CNKSR3: variants seen among roughly 807,000 people sequenced by gnomAD.
CNKSR3 encodes the protein CNKSR family member 3.
In CNKSR3, 36 loss-of-function variants were observed where a neutral mutation model predicts 67.7. The observed-to-expected ratio is 0.53, with a 90% CI of 0.41 to 0.70. The LOEUF is 0.70. CNKSR3 is among the 30% of genes least tolerant of loss of function. CNKSR3 has a pLI of 0.00. For synonymous variants in CNKSR3, 281 were observed against 271.4 expected, an observed-to-expected ratio of 1.04 and a Z score of -0.35; for missense variants, 630 against 695.2, an observed-to-expected ratio of 0.91 and a Z score of 1.05.
chr6:154,475,065 A>G (rs567916175), intron 1 of CNKSR3, among the ~76,000 whole-genome samples: 3 of 152,330 alleles, frequency 2.0e-5, no homozygotes, highest in Admixed American at 2.0e-4. Context: ...AAAAGTCTGC[A>G]AGATCACTCC....
In CNKSR3 at chr6:154,435,248, G is replaced by C. The variant is rs150764264; in HGVS notation, c.508-1741C>G. ...AGACTCAAGCCATCCACCTGCCTCA[G>C]CCTCCCAAAATGCTAGGGTTACAGG... On this transcript the variant is annotated intron_variant, in intron 4 of 12. Coordinates refer to ENST00000607772, the MANE Select transcript of CNKSR3 (RefSeq NM_173515.4). 1.9e-3 allele frequency among the ~76,000 whole-genome samples: 285 copies of C among 152,112 alleles called. 1 individual carries two copies. The highest frequency in any genetic ancestry group is 3.3e-3 in the Non-Finnish European group (222 of 67,990).
intron 1 of CNKSR3, among the ~76,000 whole-genome samples, chr6:154,480,461 C>T (rs1786543149): frequency 6.6e-6 from 1 of 152,206 alleles, no homozygotes; most frequent in Non-Finnish European, 1.5e-5. Flanking sequence ...CTTCCGCAGG[C>T]AGGCAGGTAA....
At chr6:154,450,898 G>C (rs1310762829) in intron 1 of CNKSR3, among the ~76,000 whole-genome samples, 1 of 152,162 alleles carries the variant, frequency 6.6e-6, no homozygotes. Context: ...ATTTGAGAAA[G>C]AGAGAGAGAA....
chr6:154,459,220 T>C lies in CNKSR3; in HGVS notation c.53-8962A>G, dbSNP rs555711504. On this transcript the variant is annotated intron_variant, in intron 1 of 12. Coordinates refer to ENST00000607772, the MANE Select transcript of CNKSR3 (RefSeq NM_173515.4). ...AAAAAAACCATATAAAGACGATGCA[T>C]GTAAGTCGGGTTTTGACCCTGATCA... Among the ~76,000 whole-genome samples, 262 of 151,264 alleles carry C rather than the reference T, an allele frequency of 1.7e-3. 1 individual carries two copies. The highest frequency in any genetic ancestry group is 5.9e-3 in the African/African-American group (245 of 41,264).
chr6:154,484,695 CAAAAAAAAAA>C lies in CNKSR3; in HGVS notation c.52+25358_52+25367del, dbSNP rs1166789172. On this transcript the variant is annotated intron_variant, in intron 1 of 12. Coordinates refer to ENST00000607772, the MANE Select transcript of CNKSR3 (RefSeq NM_173515.4). ...CCAGCCTGGGCAACAGAGCAAGACT[CAAAAAAAAAA>C]AAAAAAAAAAGATACTCCTTGTCTC... Among the ~76,000 whole-genome samples, 5 of 65,540 alleles carry C rather than the reference CAAAAAAAAAA, an allele frequency of 7.6e-5. No homozygotes were observed. In the South Asian group the frequency reaches 2.3e-3, roughly 30 times the overall value. 43.0% of individuals were successfully genotyped at this position (65,540 alleles called of 152,430 possible).
intron 2 of CNKSR3, among the ~76,000 whole-genome samples, chr6:154,442,865 G>A (rs977791502): frequency 7.9e-5 from 12 of 151,646 alleles, no homozygotes; most frequent in Non-Finnish European, 1.3e-4. Context: ...AAATATTGTC[G>A]TAGACAGCTC....
At position 154,413,806 on chromosome 6, in the gene CNKSR3, G is replaced by C. The variant is rs143203756; in HGVS notation, c.1070+493C>G. On this transcript the variant is annotated intron_variant, in intron 10 of 12. Coordinates refer to ENST00000607772, the MANE Select transcript of CNKSR3 (RefSeq NM_173515.4). ...TCTGTCACCCAGGCTGGATTGCAAT[G>C]GCACAAACTCTGCTCACTGCAACCT... Among the ~76,000 whole-genome samples the C allele has an allele frequency of 4.1e-4, 62 of 152,148 alleles. No homozygotes were observed. The East Asian group carries it at 9.5e-3, about 23-fold the overall frequency.
chr6:154,470,624 C>A (rs1324164945), intron 1 of CNKSR3, among the ~76,000 whole-genome samples: 3 of 152,164 alleles, frequency 2.0e-5, no homozygotes, highest in Non-Finnish European at 4.4e-5. Flanking sequence ...TACTTCAGTC[C>A]TCTTCATGGC....
chr6:154,414,482 G>A, intron 9 of CNKSR3, 59 bp from the exon 10 acceptor site: 2 of 1,543,132 alleles, frequency 1.3e-6, no homozygotes, highest in Non-Finnish European at 1.7e-6. Flanking sequence ...GATGATTCTT[G>A]GTGTTTATTT....
At chr6:154,451,493 A>G (rs62432706) in intron 1 of CNKSR3, among the ~76,000 whole-genome samples, 2 of 14,078 alleles carry the variant, frequency 1.4e-4, no homozygotes, top group Admixed American at 1.9e-3. Flanking sequence ...ACACGCACAC[A>G]CGCATACATG....
At chr6:154,476,913 G>T (rs374607622) in intron 1 of CNKSR3, among the ~76,000 whole-genome samples, 3 of 152,064 alleles carry the variant, frequency 2.0e-5, no homozygotes, top group African/African-American at 4.8e-5. Flanking sequence ...AGGTCTTAAG[G>T]TTCGGTTATC....
At chr6:154,413,922 A>AT (rs1234118023) in intron 10 of CNKSR3, among the ~76,000 whole-genome samples, 1 of 151,664 alleles carries the variant, frequency 6.6e-6, no homozygotes, top group African/African-American at 2.4e-5. Context: ...TAATTTTTGT[A>AT]TTTTTTTATA....
chr6:154,466,714 G>A (rs373119945), intron 1 of CNKSR3, among the ~76,000 whole-genome samples: 2 of 151,542 alleles, frequency 1.3e-5, no homozygotes, highest in South Asian at 4.2e-4. Context: ...CCACCTCCCA[G>A]GCTCAAATGA....
At chr6:154,497,518 A>G (rs1786903950) in intron 1 of CNKSR3, among the ~76,000 whole-genome samples, 1 of 152,196 alleles carries the variant, frequency 6.6e-6, no homozygotes, top group African/African-American at 2.4e-5. Flanking sequence ...GGCTGTCCCT[A>G]GCATAAAGCA....
chr6:154,415,846 A>G lies in CNKSR3; in HGVS notation c.946-1423T>C, dbSNP rs1277399151. ...TTTAATATCTCATGTGAGAACTTCAATCTTACCTTCTACAATCTAACAATG... is the reference window on the plus strand; with the variant it reads ...TTTAATATCTCATGTGAGAACTTCAGTCTTACCTTCTACAATCTAACAATG... On this transcript the variant is annotated intron_variant, in intron 9 of 12. Transcript: ENST00000607772. Among the ~76,000 whole-genome samples, 6 of 152,232 alleles carry G rather than the reference A, an allele frequency of 3.9e-5. No homozygotes were observed. The South Asian group carries it at 8.3e-4, about 21-fold the overall frequency.
At chr6:154,475,328 C>T (rs1786421789) in intron 1 of CNKSR3, among the ~76,000 whole-genome samples, 1 of 152,122 alleles carries the variant, frequency 6.6e-6, no homozygotes, top group South Asian at 2.1e-4. Flanking sequence ...CCATCTCTCC[C>T]CCTGGGCGCC....
chr6:154,489,691 TG>T (rs1021777653), intron 1 of CNKSR3, among the ~76,000 whole-genome samples: 2 of 152,154 alleles, frequency 1.3e-5, no homozygotes, highest in Admixed American at 1.3e-4. Flanking sequence ...TACCCTTCTT[TG>T]GGGGCGTGGG....
chr6:154,421,672 A>G (rs981863276), intron 9 of CNKSR3, among the ~76,000 whole-genome samples: 1 of 152,192 alleles, frequency 6.6e-6, no homozygotes, highest in Non-Finnish European at 1.5e-5. Context: ...GCAATACTAC[A>G]TAATGTCTAA....
chr6:154,473,618 C>T (rs1190891832), intron 1 of CNKSR3, among the ~76,000 whole-genome samples: 7 of 152,066 alleles, frequency 4.6e-5, no homozygotes, highest in South Asian at 4.1e-4. Flanking sequence ...TACAGGGTAA[C>T]GAGTAGAGGT....
Sources: allele counts gnomAD v4.1 joint callset (sites outside exome capture counted in the v4.1 genomes callset), GRCh38; gene constraint gnomAD v4.1.1; transcripts MANE v1.5; gene names NCBI Gene and HGNC (gene_info 2026-07-23, HGNC 2026-07-21).